GALNT17: variants seen among roughly 807,000 people sequenced by gnomAD.
The protein encoded by GALNT17 is polypeptide N-acetylgalactosaminyltransferase 17, also known as UDP-GalNAc:polypeptide N-acetylgalactosaminyltransferase-like 3.
Under a neutral mutation model 63.7 loss-of-function variants are expected in GALNT17, and 29 were observed. The ratio of observed to expected loss-of-function variants is 0.46; its 90% confidence interval spans 0.34 to 0.62. The LOEUF (loss-of-function observed/expected upper bound fraction) is 0.62. GALNT17 is among the 20% of genes least tolerant of loss of function. The probability of loss-of-function intolerance (pLI) is 0.01; values close to 1 mark genes in which losing one functional copy is unlikely to be tolerated. For missense variants in GALNT17, 603 were observed against 799.6 expected (o/e 0.75, Z 2.97); for synonymous variants, 305 against 318.3 (o/e 0.96, Z 0.45).
chr7:71,549,051 A>G (rs1789032468), intron 5 of GALNT17, among the ~76,000 whole-genome samples: 1 of 152,086 alleles, frequency 6.6e-6, no homozygotes, highest in Non-Finnish European at 1.5e-5. Context: ...TGGACCTGGT[A>G]CTGTGGTGGC....
chr7:71,388,504 A>C (rs888961639), intron 3 of GALNT17, 103 bp downstream of exon 3: 8 of 1,381,514 alleles, frequency 5.8e-6, no homozygotes, highest in Non-Finnish European at 7.9e-6. Context: ...TGGTCCCTGG[A>C]GCATATCTGG....
At chr7:71,245,897 A>T (rs373642481) in intron 1 of GALNT17, among the ~76,000 whole-genome samples, 1 of 147,170 alleles carries the variant, frequency 6.8e-6, no homozygotes, top group Non-Finnish European at 1.5e-5. Flanking sequence ...ACCCTGTATA[A>T]GTGAGATTTT....
chr7:71,348,592 A>T (rs1792136199), intron 2 of GALNT17, among the ~76,000 whole-genome samples: 1 of 152,038 alleles, frequency 6.6e-6, no homozygotes, highest in African/African-American at 2.4e-5. Flanking sequence ...GGGGTCATTG[A>T]CTCTCAAGTT....
At chr7:71,255,953 C>G (rs1790281513) in intron 1 of GALNT17, among the ~76,000 whole-genome samples, 1 of 152,116 alleles carries the variant, frequency 6.6e-6, no homozygotes, top group Admixed American at 6.5e-5. Context: ...CTGGACATAC[C>G]TCATTATACC....
intron 9 of GALNT17, among the ~76,000 whole-genome samples, chr7:71,693,299 C>CATATATATATATATATATATAT (rs1327263888): frequency 7.7e-5 from 9 of 116,238 alleles, no homozygotes; most frequent in South Asian, 4.5e-4. Context: ...CACACACACA[C>CATATATATATATATATATATAT]ACACACACAC....
chr7:71,643,376 G>T (rs988421977), intron 6 of GALNT17, among the ~76,000 whole-genome samples: 1 of 152,114 alleles, frequency 6.6e-6, no homozygotes, highest in Non-Finnish European at 1.5e-5. Context: ...GTTGAGGCAG[G>T]AGAATCGCTT....
chr7:71,213,451 T>C (rs761989401), intron 1 of GALNT17, among the ~76,000 whole-genome samples: 1 of 135,908 alleles, frequency 7.4e-6, no homozygotes, highest in Non-Finnish European at 1.7e-5. Flanking sequence ...TAGATGTTTA[T>C]GGTTTTATAA....
chr7:71,564,281 T>C (rs1268800050), intron 5 of GALNT17, among the ~76,000 whole-genome samples: 1 of 29,566 alleles, frequency 3.4e-5, no homozygotes, highest in Non-Finnish European at 6.8e-5. Context: ...TTCTTTTCTT[T>C]TTTTTTTTTT....
chr7:71,655,607 G>A (rs1038554293), intron 6 of GALNT17, among the ~76,000 whole-genome samples: 6 of 152,162 alleles, frequency 3.9e-5, no homozygotes, highest in South Asian at 4.2e-4. Flanking sequence ...AATAGTTTCC[G>A]GGGGAAGAAT....
chr7:71,241,020 T>C (rs1264220730), intron 1 of GALNT17, among the ~76,000 whole-genome samples: 1 of 152,170 alleles, frequency 6.6e-6, no homozygotes, highest in East Asian at 1.9e-4. Context: ...GTCTTTGATA[T>C]TGGGAATGGA....
intron 5 of GALNT17, among the ~76,000 whole-genome samples, chr7:71,435,805 G>A (rs559916956): frequency 1.6e-4 from 24 of 152,016 alleles, no homozygotes; most frequent in Admixed American, 2.6e-4. Context: ...GGATCATGGG[G>A]TCAGGAGATC....
At chr7:71,244,055 C>G (rs1011082734) in intron 1 of GALNT17, among the ~76,000 whole-genome samples, 1 of 152,128 alleles carries the variant, frequency 6.6e-6, no homozygotes, top group Non-Finnish European at 1.5e-5. Context: ...TTTTCTGTGC[C>G]TGTGTTTAGG....
At chr7:71,450,213 G>T (rs73177405) in intron 5 of GALNT17, among the ~76,000 whole-genome samples, 3 of 148,440 alleles carry the variant, frequency 2.0e-5, no homozygotes, top group South Asian at 2.1e-4. Context: ...TCGGCTCACC[G>T]CAAACTCTGC....
chr7:71,151,301 C>T (rs1788128152), intron 1 of GALNT17, among the ~76,000 whole-genome samples: 1 of 152,152 alleles, frequency 6.6e-6, no homozygotes, highest in Non-Finnish European at 1.5e-5. Flanking sequence ...AGGTCAGCTT[C>T]TGTGCTTGAC....
intron 2 of GALNT17, among the ~76,000 whole-genome samples, chr7:71,356,691 C>T (rs964475834): frequency 1.3e-5 from 2 of 152,190 alleles, no homozygotes; most frequent in African/African-American, 2.4e-5. Flanking sequence ...GACCCAAACA[C>T]CTTCCAGTGG....
At chr7:71,547,194 T>C (rs576152133) in intron 5 of GALNT17, among the ~76,000 whole-genome samples, 3 of 151,574 alleles carry the variant, frequency 2.0e-5, no homozygotes, top group Non-Finnish European at 4.4e-5. Context: ...AGAAGGAGTT[T>C]CATTGTGTCA....
At chr7:71,564,142 G>A (rs756274922) in intron 5 of GALNT17, among the ~76,000 whole-genome samples, 35 of 152,086 alleles carry the variant, frequency 2.3e-4, no homozygotes, top group South Asian at 2.1e-4. Context: ...GCAGAACAGA[G>A]GCTTTCTGCT....
chr7:71,514,552 T>C, intron 5 of GALNT17, among the ~76,000 whole-genome samples: 1 of 152,040 alleles, frequency 6.6e-6, no homozygotes, highest in East Asian at 1.9e-4. Context: ...CCAATACCCA[T>C]CTCATCATCC....
intron 6 of GALNT17, among the ~76,000 whole-genome samples, chr7:71,663,967 A>G (rs897200353): frequency 6.6e-6 from 1 of 150,918 alleles, no homozygotes; most frequent in Non-Finnish European, 1.5e-5. Flanking sequence ...CTTTTCTGTC[A>G]TTTTCCTTTT....
Sources: allele counts gnomAD v4.1 joint callset (sites outside exome capture counted in the v4.1 genomes callset), GRCh38; gene constraint gnomAD v4.1.1; transcripts MANE v1.5; gene names NCBI Gene and HGNC (gene_info 2026-07-23, HGNC 2026-07-21).